The following AP3D1 variants were observed in gnomAD, a reference collection of about 807,000 sequenced individuals.
AP3D1 encodes the protein AP-3 complex subunit delta-1.
A neutral mutation model predicts 147.6 loss-of-function variants in AP3D1; 51 were observed. That is an observed-to-expected ratio of 0.35 (90% confidence interval 0.28 to 0.44). AP3D1 has a LOEUF of 0.44. Among genes scored for constraint, AP3D1 ranks in the 20% least tolerant of loss-of-function variants. The probability of loss-of-function intolerance (pLI) is 1.00; values close to 1 mark genes in which losing one functional copy is unlikely to be tolerated. For synonymous variants in AP3D1, 760 were observed against 663.0 expected, an observed-to-expected ratio of 1.15 and a Z score of -2.25; for missense variants, 1,421 against 1,624.2, an observed-to-expected ratio of 0.87 and a Z score of 2.15.
At chr19:2,111,148 G>GCAA in intron 26 of AP3D1, 137 bp downstream of exon 26, 1 of 1,179,240 alleles carries the variant, frequency 8.5e-7, no homozygotes, top group African/African-American at 1.5e-5. Flanking sequence ...TGCTGCCCAA[G>GCAA]CAACGCCCCT....
intron 24 of AP3D1, 165 bp from the exon 25 acceptor site, chr19:2,111,993 C>T (rs1020689642): frequency 2.7e-6 from 3 of 1,117,148 alleles, no homozygotes; most frequent in African/African-American, 3.1e-5. Context: ...CAAGCTCAGG[C>T]CAGACCAGGC....
intron 4 of AP3D1, among the ~76,000 whole-genome samples, chr19:2,136,243 G>A (rs2019074357): frequency 1.3e-5 from 2 of 152,202 alleles, no homozygotes; most frequent in African/African-American, 2.4e-5. Flanking sequence ...ACCCTGTGCC[G>A]GACATCAGTC....
At chr19:2,161,900 G>A (rs1012310218) in intron 1 of AP3D1, among the ~76,000 whole-genome samples, 4 of 151,668 alleles carry the variant, frequency 2.6e-5, no homozygotes, top group Non-Finnish European at 5.9e-5. Flanking sequence ...AGTGACTGGA[G>A]ATCCCAGTCA....
intron 1 of AP3D1, among the ~76,000 whole-genome samples, chr19:2,141,103 C>G (rs996333216): frequency 6.6e-6 from 1 of 152,036 alleles, no homozygotes; most frequent in Admixed American, 6.6e-5. Context: ...GAGACATGAC[C>G]TAGACCCAAA....
At chr19:2,158,557 C>G (rs1045893138) in intron 1 of AP3D1, among the ~76,000 whole-genome samples, 4 of 151,856 alleles carry the variant, frequency 2.6e-5, no homozygotes, top group Non-Finnish European at 5.9e-5. Flanking sequence ...GTCCTCCCAC[C>G]TTGGCCTCCC....
intron 29 of AP3D1, 129 bp downstream of exon 29, chr19:2,109,744 G>A (rs947638044): frequency 7.9e-6 from 7 of 890,036 alleles, no homozygotes; most frequent in Middle Eastern, 3.4e-4. Context: ...CACCAGTCAC[G>A]AGCCAGCGCC....
In AP3D1 at chr19:2,114,127, TCTTCTC is replaced by T. The variant is rs756601658; in HGVS notation, c.2593_2598del (p.Glu865_Lys866del). 2.4e-3 allele frequency: 3,657 copies of T among 1,552,280 alleles called. 5 individuals are homozygous for T. Among genetic ancestry groups the T allele is most frequent in the Non-Finnish European group, 2.9e-3 (3,379 of 1,147,444 alleles). The stretch of plus-strand genomic sequence containing the variant: ...GCCGCCCTGGGCACTAGCCTTACCT[TCTTCTC>T]CTTCTCCTTCTTCTTCTCCTTGTCT... On this transcript the variant is annotated inframe_deletion, in exon 22 of 32. Transcript: ENST00000643116.
intron 8 of AP3D1, among the ~76,000 whole-genome samples, chr19:2,128,888 C>T (rs1373185743): frequency 0.01 from 1 of 98 alleles, no homozygotes; most frequent in East Asian, 0.17. Context: ...CACTGCACCC[C>T]GTGGAGCCGG....
At chr19:2,129,612 A>T (rs1011508974) in intron 6 of AP3D1, among the ~76,000 whole-genome samples, 155 bp from the exon 7 acceptor site, 2 of 152,206 alleles carry the variant, frequency 1.3e-5, no homozygotes, top group African/African-American at 4.8e-5. Flanking sequence ...CAGGGACAGC[A>T]GCCACAGACC....
intron 8 of AP3D1, among the ~76,000 whole-genome samples, chr19:2,128,170 T>C (rs1281260542): frequency 6.6e-6 from 1 of 152,092 alleles, no homozygotes; most frequent in African/African-American, 2.4e-5. Flanking sequence ...GCCTCAGCAC[T>C]TGGTCTGAGG....
rs1677640181 is a variant in AP3D1, at chr19:2,115,302, G to A, written c.2266C>T (p.Arg756Cys). 5 of 1,612,858 alleles carry A rather than the reference G, an allele frequency of 3.1e-6. No homozygotes were observed. Among genetic ancestry groups the A allele is most frequent in the African/African-American group, 1.3e-5 (1 of 75,052 alleles). ...RKEKEKKGKR[R>C]HSSLPTESDE... is the part of the protein sequence containing the mutation. ...CTCTCCGTGGGCAGCGAGCTGTGGC[G>A]GCGCTTGCCCTTCTTCTCCTTCTCC... is the stretch of plus-strand genomic sequence containing the variant. Residue 756 changes from arginine to cysteine, a missense_variant, in exon 20 of 32, where the codon CGC (arginine) becomes TGC (cysteine). By Grantham distance (180) the Arg-to-Cys change is radical. This residue lies in a region of AP3D1 where 791 missense variants were observed against 761.4 expected (regional missense o/e 1.04). Coordinates refer to ENST00000643116, the MANE Select transcript of AP3D1 (RefSeq NM_001261826.3).
At chr19:2,104,666 GTTTT>G (rs967229513) in intron 31 of AP3D1, among the ~76,000 whole-genome samples, 1 of 113,460 alleles carries the variant, frequency 8.8e-6, no homozygotes. Flanking sequence ...TCTGACACAA[GTTTT>G]TTTTTTTTTT....
Position 2,109,842 on chromosome 19 carries a change from G to A in AP3D1, c.3350+31C>T, listed in dbSNP as rs370994059. The A allele has an allele frequency of 4.7e-4, 754 of 1,605,062 alleles. 4 individuals carry two copies. The highest frequency in any genetic ancestry group is 5.2e-4 in the South Asian group (47 of 90,888). ...GGTAGAGGGGAGGCGGAGGGGGTTC[G>A]GGGACATAGGGGAGTGGGCCTGGGC... is the stretch of plus-strand genomic sequence containing the variant. On this transcript the variant is annotated intron_variant, in intron 29 of 31. Transcript: ENST00000643116.
chr19:2,128,589 C>CACAG (rs1256000607), intron 8 of AP3D1, among the ~76,000 whole-genome samples: 67 of 71,382 alleles, frequency 9.4e-4, no homozygotes, highest in Non-Finnish European at 1.5e-3. Context: ...CGGCCCGCCC[C>CACAG]CGCCGCTCCG....
At chr19:2,130,713 G>C (rs1568296947) in intron 5 of AP3D1, among the ~76,000 whole-genome samples, 176 bp from the exon 6 acceptor site, 1 of 152,206 alleles carries the variant, frequency 6.6e-6, no homozygotes, top group Admixed American at 6.5e-5. Flanking sequence ...CAGCCTCACT[G>C]TGCCCCTGAC....
intron 31 of AP3D1, among the ~76,000 whole-genome samples, chr19:2,103,401 A>G (rs2018014436): frequency 6.6e-6 from 1 of 152,138 alleles, no homozygotes; most frequent in Non-Finnish European, 1.5e-5. Flanking sequence ...ACAGTTGAGC[A>G]CTGTCTGTCC....
intron 31 of AP3D1, among the ~76,000 whole-genome samples, chr19:2,104,447 C>T (rs1249772810): frequency 6.6e-6 from 1 of 151,402 alleles, no homozygotes; most frequent in Non-Finnish European, 1.5e-5. Flanking sequence ...AAGATGCCAA[C>T]ACCCAGACCC....
intron 31 of AP3D1, among the ~76,000 whole-genome samples, chr19:2,105,510 TC>T (rs2018085518): frequency 6.6e-6 from 1 of 152,256 alleles, no homozygotes; most frequent in Non-Finnish European, 1.5e-5. Context: ...GCCCATCCAT[TC>T]GTTTCCCGTA....
At chr19:2,148,567 C>T (rs1002271411) in intron 1 of AP3D1, among the ~76,000 whole-genome samples, 1 of 152,212 alleles carries the variant, frequency 6.6e-6, no homozygotes, top group Non-Finnish European at 1.5e-5. Context: ...ACAACCTCAG[C>T]GCTCTGGCGC....
Sources: gnomAD v4.1 joint callset for allele counts (sites outside exome capture counted in the v4.1 genomes callset) on GRCh38, gnomAD v4.1.1 for gene constraint, gnomAD v4.1.1 regional missense constraint, MANE v1.5 for transcripts, NCBI Gene and HGNC (gene_info 2026-07-23, HGNC 2026-07-21) for gene names.